The following MAP4 variants were observed in gnomAD, a reference collection of about 807,000 sequenced individuals.
MAP4 encodes microtubule associated protein 4.
MAP4 carries 76 observed loss-of-function variants against 170.2 expected under a neutral mutation model. The observed-to-expected ratio is 0.45, with a 90% CI of 0.37 to 0.54. The LOEUF (loss-of-function observed/expected upper bound fraction) is 0.54. Ranked by LOEUF, MAP4 falls within the 20% of genes least tolerant of loss-of-function variation. The pLI is 0.00. For missense variants in MAP4, 2,506 were observed against 2,748.0 expected (o/e 0.91, Z 1.97); for synonymous variants, 909 against 994.5 (o/e 0.91, Z 1.62).
intron 2 of MAP4, among the ~76,000 whole-genome samples, chr3:47,982,474 T>C (rs771498672): frequency 3.3e-5 from 5 of 152,330 alleles, no homozygotes; most frequent in Admixed American, 1.3e-4. Flanking sequence ...AAATGCTATA[T>C]ATTTAGAAGC....
At chr3:47,896,963 T>A (rs1045882616) in intron 10 of MAP4, among the ~76,000 whole-genome samples, 1 of 152,106 alleles carries the variant, frequency 6.6e-6, no homozygotes, top group Non-Finnish European at 1.5e-5. Context: ...CCTCATTTTA[T>A]AGAGGAACAA....
intron 1 of MAP4, among the ~76,000 whole-genome samples, chr3:48,028,924 C>T (rs758825128): frequency 2.2e-4 from 34 of 152,266 alleles, no homozygotes; most frequent in South Asian, 2.1e-4. Flanking sequence ...GGGCAGATCG[C>T]TTGAGCCCAG....
chr3:48,077,566 C>A (rs1197422995), intron 1 of MAP4, among the ~76,000 whole-genome samples: 3 of 150,376 alleles, frequency 2.0e-5, no homozygotes. Flanking sequence ...TCTTGAATTG[C>A]TGGGCTCAAG....
At chr3:48,079,991 G>C (rs2100145821) in intron 1 of MAP4, among the ~76,000 whole-genome samples, 1 of 151,782 alleles carries the variant, frequency 6.6e-6, no homozygotes, top group African/African-American at 2.4e-5. Flanking sequence ...TTGTAACTTT[G>C]TCTTCTGACA....
At chr3:47,918,531 T>C (rs1395856497) in intron 6 of MAP4, among the ~76,000 whole-genome samples, 188 bp downstream of exon 6, 1 of 152,252 alleles carries the variant, frequency 6.6e-6, no homozygotes, top group Admixed American at 6.5e-5. Context: ...ATGTGCCCGT[T>C]AACCCTAAGT....
rs529167225 is a variant in MAP4 at position 47,869,207 on chromosome 3, A to C, written c.6408+7T>G. ...ACCTTGCAGAGGTGGGTCTAAATAA[A>C]ACTCACTTTCCCCGCAGGTTGTTTC... On this transcript the variant is annotated splice_region_variant and intron_variant, in intron 16 of 20. Transcript: ENST00000683076. 14 of 1,601,340 alleles carry C rather than the reference A, an allele frequency of 8.7e-6. No homozygotes were observed. The highest frequency in any genetic ancestry group is 1.7e-4 in the Middle Eastern group (1 of 6,040).
chr3:48,073,268 C>T (rs2100141910), intron 1 of MAP4, among the ~76,000 whole-genome samples: 2 of 131,524 alleles, frequency 1.5e-5, no homozygotes, highest in South Asian at 2.5e-4. Flanking sequence ...CACACACACA[C>T]ACACACACAC....
intron 3 of MAP4, among the ~76,000 whole-genome samples, chr3:47,956,767 C>G (rs888440322): frequency 1.1e-4 from 17 of 152,298 alleles, no homozygotes; most frequent in Middle Eastern, 3.4e-3. Flanking sequence ...ATGTTAGACA[C>G]TTTCCATAGC....
chr3:47,889,935 T>C (rs183155425), intron 10 of MAP4, among the ~76,000 whole-genome samples: 1 of 135,920 alleles, frequency 7.4e-6, no homozygotes, highest in Non-Finnish European at 1.6e-5. Context: ...TTTATCTCCA[T>C]AAAAAAAAAA....
chr3:48,045,387 A>G (rs2100123930), intron 1 of MAP4, among the ~76,000 whole-genome samples: 2 of 152,102 alleles, frequency 1.3e-5, no homozygotes, highest in African/African-American at 4.8e-5. Context: ...AGGGCAGGCG[A>G]GCATCTCTGC....
At chr3:48,075,253 G>C (rs543470417) in intron 1 of MAP4, among the ~76,000 whole-genome samples, 1 of 152,120 alleles carries the variant, frequency 6.6e-6, no homozygotes, top group African/African-American at 2.4e-5. Context: ...GGCCGGGCAC[G>C]GTGGCTCACA....
chr3:48,048,567 G>C (rs1043243973), intron 1 of MAP4, among the ~76,000 whole-genome samples: 3 of 124,826 alleles, frequency 2.4e-5, no homozygotes, highest in Non-Finnish European at 4.7e-5. Flanking sequence ...ACTCAGGCTA[G>C]AGTGCAGTGG....
At chr3:48,084,076 C>T (rs1349115968) in intron 1 of MAP4, among the ~76,000 whole-genome samples, 6 of 151,236 alleles carry the variant, frequency 4.0e-5, no homozygotes, top group Admixed American at 4.0e-4. Flanking sequence ...CTGGTCGCAG[C>T]GGGAGTGCCT....
At chr3:47,994,657 T>A (rs1024349894) in intron 2 of MAP4, among the ~76,000 whole-genome samples, 22 of 152,344 alleles carry the variant, frequency 1.4e-4, no homozygotes, top group Non-Finnish European at 3.1e-4. Flanking sequence ...AAATCCTCCC[T>A]GCTACTTTTG....
At chr3:47,853,054 GTTAC>G in intron 20 of MAP4, 105 bp downstream of exon 20, 1 of 1,614,192 alleles carries the variant, frequency 6.2e-7, no homozygotes, top group East Asian at 2.2e-5. Context: ...AAAATAAAAG[GTTAC>G]TTCATTAAAA....
intron 1 of MAP4, among the ~76,000 whole-genome samples, chr3:48,078,311 ATT>A (rs758589017): frequency 1.8e-4 from 22 of 125,226 alleles, no homozygotes; most frequent in South Asian, 2.6e-4. Flanking sequence ...TGCCTGGCTA[ATT>A]TTTTTTTTTT....
At chr3:47,942,990 T>C (rs1466391014) in intron 3 of MAP4, among the ~76,000 whole-genome samples, 2 of 152,106 alleles carry the variant, frequency 1.3e-5, no homozygotes, top group Non-Finnish European at 2.9e-5. Context: ...AGTGCACACC[T>C]GTCGTCCCAG....
At chr3:47,953,988 T>G (rs1370131798) in intron 3 of MAP4, among the ~76,000 whole-genome samples, 3 of 151,336 alleles carry the variant, frequency 2.0e-5, no homozygotes, top group African/African-American at 7.3e-5. Flanking sequence ...TACTCCAGCC[T>G]GGGTGACAGA....
upstream of MAP4, among the ~76,000 whole-genome samples, chr3:48,019,198 T>A (rs1579300775): frequency 6.6e-6 from 1 of 151,928 alleles, no homozygotes; most frequent in Admixed American, 6.6e-5. Flanking sequence ...TTTAATTAGC[T>A]GGGCATGGTG....
Sources: allele counts gnomAD v4.1 joint callset (sites outside exome capture counted in the v4.1 genomes callset), GRCh38; gene constraint gnomAD v4.1.1; transcripts MANE v1.5; gene names NCBI Gene and HGNC (gene_info 2026-07-23, HGNC 2026-07-21).